OR51Q1: variants seen among roughly 807,000 people sequenced by gnomAD.
OR51Q1 encodes olfactory receptor family 51 subfamily Q member 1, also known as olfactory receptor 51Q1.
For missense variants in OR51Q1, 501 were observed against 397.1 expected (o/e 1.26, Z -2.22); for synonymous variants, 187 against 151.7 (o/e 1.23, Z -1.71).
rs1194706474 is a variant in OR51Q1 at position 5,422,668 on chromosome 11, G to A, written c.468G>A (p.Leu156=). 5.0e-6 allele frequency: 8 copies of A among 1,614,004 alleles called. No individual in the cohort carries two copies. The highest frequency in any genetic ancestry group is 6.8e-6 in the Non-Finnish European group (8 of 1,179,980). Reference sequence around the variant, plus strand: ...TAGCCATCATTTGCTGCTGTGTTCTGGCGGTTCTTCCCTCCCTTTTCTTAC... The same window carrying A: ...TAGCCATCATTTGCTGCTGTGTTCTAGCGGTTCTTCCCTCCCTTTTCTTAC... ...TGLAIICCCV[L]AVLPSLFLLK... is the part of the protein sequence containing the mutation. Residue 156 remains leucine (L), a synonymous_variant, in exon 1 of 1, where the codon CTG becomes CTA. Coordinates refer to ENST00000300778, the MANE Select transcript of OR51Q1 (RefSeq NM_001004757.2).
Position 5,422,371 on chromosome 11 carries a change from C to T in OR51Q1, c.171C>T (p.Val57=). The change falls in exon 1 of 1, where the codon GTC becomes GTT. Residue 57 remains valine (V), a synonymous_variant. Transcript: ENST00000300778. ...CTGTCATTCGCACAGAGCCATCTGTCCACCAGCGCATGTATCTGTTTCTCT... is the reference window on the plus strand; with the variant it reads ...CTGTCATTCGCACAGAGCCATCTGTTCACCAGCGCATGTATCTGTTTCTCT... ...ILTVIRTEPS[V]HQRMYLFLSM... is the part of the protein sequence containing the mutation. 6.2e-7 allele frequency: 1 copy of T among 1,614,186 alleles called. No individual in the cohort carries two copies. Among genetic ancestry groups the T allele is most frequent in the Non-Finnish European group, 8.5e-7 (1 of 1,180,040 alleles).
In OR51Q1 at chr11:5,422,130, G is replaced by A; in HGVS notation, c.-71G>A. 8.3e-7 allele frequency: 1 copy of A among 1,205,212 alleles called. No homozygotes were observed. The highest frequency in any genetic ancestry group is 1.2e-6 in the Non-Finnish European group (1 of 848,060). 74.7% of individuals were successfully genotyped at this position (1,205,212 alleles called of 1,614,324 possible). On this transcript the variant is annotated 5_prime_UTR_variant, in exon 1 of 1. Coordinates refer to ENST00000300778, the MANE Select transcript of OR51Q1 (RefSeq NM_001004757.2). ...TAGAATTTGGATTAAATGGGGCAAA[G>A]AGATATTATTTCTAATGTTTCTTTT...
chr11:5,423,023 C>G lies in OR51Q1; in HGVS notation c.823C>G (p.His275Asp). The change falls in exon 1 of 1, where the codon CAT becomes GAT. Residue 275 changes from histidine (H) to aspartate (D), a missense_variant. His to Asp is a moderately conservative substitution (Grantham distance 81). Coordinates refer to ENST00000300778, the MANE Select transcript of OR51Q1 (RefSeq NM_001004757.2). The part of the protein sequence containing the change: ...RFAKHASPLV[H>D]VIMANIYLLA... ...TGCCAAGCATGCCTCTCCACTGGTC[C>G]ATGTTATCATGGCCAATATCTACCT... The G allele has an allele frequency of 1.2e-6, 2 of 1,614,084 alleles. No individual in the cohort carries two copies. Among genetic ancestry groups the G allele is most frequent in the Non-Finnish European group, 1.7e-6 (2 of 1,180,020 alleles).
At position 5,422,267 on chromosome 11, in the gene OR51Q1, G is replaced by A. The variant is rs749693977; in HGVS notation, c.67G>A (p.Glu23Lys). The change falls in exon 1 of 1, where the codon GAG becomes AAG. Residue 23 changes from glutamate to lysine, a missense_variant. By Grantham distance (56) the Glu-to-Lys change is moderately conservative. Transcript: ENST00000300778. ...CATCCTCACGGACATCCCTGGATTT[G>A]AGGCCTCCCACATCTGGATCTCCAT... ...YFILTDIPGFEASHIWISIPV... is the reference protein window; with the variant it reads ...YFILTDIPGFKASHIWISIPV... 2 of 1,614,102 alleles carry A rather than the reference G, an allele frequency of 1.2e-6. No homozygotes were observed. The highest frequency in any genetic ancestry group is 3.3e-5 in the Admixed American group (2 of 60,026).
Position 5,422,786 on chromosome 11 carries a change from C to T in OR51Q1, c.586C>T (p.Leu196Phe). The T allele has an allele frequency of 1.9e-6, 3 of 1,614,144 alleles. No homozygotes were observed. Among genetic ancestry groups the T allele is most frequent in the Non-Finnish European group, 2.5e-6 (3 of 1,180,020 alleles). Reference sequence around the variant, plus strand: ...CCGCCTGGTCTGTGCTGACATCAGGCTCAACAGCTGGTATGGATTTGCTCT... The same window carrying T: ...CCGCCTGGTCTGTGCTGACATCAGGTTCAACAGCTGGTATGGATTTGCTCT... ...MIRLVCADIRLNSWYGFALAL... is the reference protein window; with the variant it reads ...MIRLVCADIRFNSWYGFALAL... Residue 196 changes from leucine to phenylalanine, a missense_variant, in exon 1 of 1, where the codon CTC becomes TTC. By Grantham distance (22) the Leu-to-Phe change is conservative (BLOSUM62 0). Coordinates refer to ENST00000300778, the MANE Select transcript of OR51Q1 (RefSeq NM_001004757.2).
In OR51Q1 at chr11:5,422,415, A is replaced by C; in HGVS notation, c.215A>C (p.Asp72Ala). 1 of 1,614,090 alleles carries C rather than the reference A, an allele frequency of 6.2e-7. No individual in the cohort carries two copies. ...YLFLSMLALT[D>A]LGLTLTTLPT... ...TTTCTCTCCATGCTGGCCCTGACGG[A>C]CCTGGGTCTCACCCTCACCACCCTA... The change falls in exon 1 of 1, where the codon GAC (aspartate) becomes GCC (alanine). Residue 72 changes from aspartate to alanine, a missense_variant. Asp to Ala is a moderately radical substitution (Grantham distance 126). Transcript: ENST00000300778.
Position 5,422,680 on chromosome 11 carries a change from C to T in OR51Q1, c.480C>T (p.Pro160=). 1.9e-6 allele frequency: 3 copies of T among 1,614,090 alleles called. No individual in the cohort carries two copies. Among genetic ancestry groups the T allele is most frequent in the Non-Finnish European group, 2.5e-6 (3 of 1,180,000 alleles). ...GCTGCTGTGTTCTGGCGGTTCTTCC[C>T]TCCCTTTTCTTACTCAAGCGACTGC... ...IICCCVLAVL[P]SLFLLKRLPF... The change falls in exon 1 of 1, where the codon CCC becomes CCT. Residue 160 remains proline (P), a synonymous_variant. Coordinates refer to ENST00000300778, the MANE Select transcript of OR51Q1 (RefSeq NM_001004757.2).
chr11:5,422,943 T>C lies in OR51Q1; in HGVS notation c.743T>C (p.Leu248Pro). ...CTCAATAACTGCCTGTCCCACATTC[T>C]AGCTGTCCTGGTCCTCTACATTCCC... Reference protein sequence around the residue: ...RALNNCLSHILAVLVLYIPMV... With the variant: ...RALNNCLSHIPAVLVLYIPMV... Residue 248 changes from leucine to proline, a missense_variant, in exon 1 of 1, where the codon CTA becomes CCA. Physicochemically the swap from Leu to Pro is moderately conservative, Grantham distance 98. Transcript: ENST00000300778. The C allele has an allele frequency of 6.2e-7, 1 of 1,614,158 alleles. No homozygotes were observed. Among genetic ancestry groups the C allele is most frequent in the Non-Finnish European group, 8.5e-7 (1 of 1,179,988 alleles).
rs899608609 is a variant in OR51Q1 at position 5,422,827 on chromosome 11, T to C, written c.627T>C (p.Ile209=). ...WYGFALALLI[I]IVDPLLIVIS... is the part of the protein sequence containing the mutation. ...GATTTGCTCTTGCCTTGCTCATTATTATCGTGGATCCTCTGCTCATTGTGA... is the reference window on the plus strand; with the variant it reads ...GATTTGCTCTTGCCTTGCTCATTATCATCGTGGATCCTCTGCTCATTGTGA... Residue 209 remains isoleucine (I), a synonymous_variant, in exon 1 of 1, where the codon ATT becomes ATC. Transcript: ENST00000300778. 8.7e-6 allele frequency: 14 copies of C among 1,614,054 alleles called. No individual in the cohort carries two copies. Among genetic ancestry groups the C allele is most frequent in the Admixed American group, 3.3e-5 (2 of 59,998 alleles).
chr11:5,422,257 C>T lies in OR51Q1; in HGVS notation c.57C>T (p.Ile19=). 6.8e-6 allele frequency: 11 copies of T among 1,614,072 alleles called. No individual in the cohort carries two copies. Among genetic ancestry groups the T allele is most frequent in the Non-Finnish European group, 9.3e-6 (11 of 1,179,956 alleles). The change falls in exon 1 of 1, where the codon ATC becomes ATT. Residue 19 remains isoleucine, a synonymous_variant. Transcript: ENST00000300778. ...QEGIYFILTD[I]PGFEASHIWI... is the part of the protein sequence containing the mutation. ...GCATCTACTTCATCCTCACGGACAT[C>T]CCTGGATTTGAGGCCTCCCACATCT...
In OR51Q1 at chr11:5,422,722, C is replaced by T. The variant is rs1455650962; in HGVS notation, c.522C>T (p.His174=). The change falls in exon 1 of 1, where the codon CAC becomes CAT. Residue 174 remains histidine (H), a synonymous_variant. Transcript: ENST00000300778. ...AGCGACTGCCTTTCTGCCACTCCCA[C>T]CTTCTCTCTCGCTCCTATTGCCTCC... ...LLKRLPFCHS[H]LLSRSYCLHQ... 6.2e-7 allele frequency: 1 copy of T among 1,614,074 alleles called. No individual in the cohort carries two copies. Among genetic ancestry groups the T allele is most frequent in the Non-Finnish European group, 8.5e-7 (1 of 1,179,972 alleles).
chr11:5,422,733 G>A lies in OR51Q1; in HGVS notation c.533G>A (p.Arg178His), dbSNP rs10838095. The stretch of plus-strand genomic sequence containing the variant: ...TTCTGCCACTCCCACCTTCTCTCTC[G>A]CTCCTATTGCCTCCACCAGGATATG... ...LPFCHSHLLS[R>H]SYCLHQDMIR... The change falls in exon 1 of 1, where the codon CGC becomes CAC. Residue 178 changes from arginine (R) to histidine (H), a missense_variant. Arg to His is a conservative substitution (Grantham distance 29). Coordinates refer to ENST00000300778, the MANE Select transcript of OR51Q1 (RefSeq NM_001004757.2). The A allele has an allele frequency of 0.4, 647,606 of 1,612,496 alleles. 133,610 individuals are homozygous for A. The highest frequency in any genetic ancestry group is 0.68 in the East Asian group (30,600 of 44,850).
In OR51Q1 at chr11:5,422,954, G is replaced by A. The variant is rs1052035730; in HGVS notation, c.754G>A (p.Val252Ile). ...NCLSHILAVL[V>I]LYIPMVGVSM... ...CCTGTCCCACATTCTAGCTGTCCTG[G>A]TCCTCTACATTCCCATGGTTGGTGT... The change falls in exon 1 of 1, where the codon GTC (valine) becomes ATC (isoleucine). Residue 252 changes from valine (V) to isoleucine (I), a missense_variant. Transcript: ENST00000300778. 1.9e-6 allele frequency: 3 copies of A among 1,613,912 alleles called. No individual in the cohort carries two copies. Among genetic ancestry groups the A allele is most frequent in the Non-Finnish European group, 2.5e-6 (3 of 1,180,002 alleles).
rs770489511 is a variant in OR51Q1, at chr11:5,422,428, C to T, written c.228C>T (p.Thr76=). The T allele has an allele frequency of 3.1e-6, 5 of 1,614,140 alleles. No homozygotes were observed. Among genetic ancestry groups the T allele is most frequent in the Non-Finnish European group, 4.2e-6 (5 of 1,180,016 alleles). ...TGGCCCTGACGGACCTGGGTCTCAC[C>T]CTCACCACCCTACCCACAGTCATGC... is the stretch of plus-strand genomic sequence containing the variant. The part of the protein sequence containing the change: ...SMLALTDLGL[T]LTTLPTVMQL... Residue 76 remains threonine (T), a synonymous_variant, in exon 1 of 1, where the codon ACC becomes ACT. Transcript: ENST00000300778.
In OR51Q1 at chr11:5,422,426, A is replaced by G; in HGVS notation, c.226A>G (p.Thr76Ala). 1 of 1,614,044 alleles carries G rather than the reference A, an allele frequency of 6.2e-7. No individual in the cohort carries two copies. The change falls in exon 1 of 1, where the codon ACC becomes GCC. Residue 76 changes from threonine (T) to alanine (A), a missense_variant. Transcript: ENST00000300778. Reference sequence around the variant, plus strand: ...GCTGGCCCTGACGGACCTGGGTCTCACCCTCACCACCCTACCCACAGTCAT... The same window carrying G: ...GCTGGCCCTGACGGACCTGGGTCTCGCCCTCACCACCCTACCCACAGTCAT... ...SMLALTDLGLTLTTLPTVMQL... is the reference protein window; with the variant it reads ...SMLALTDLGLALTTLPTVMQL...
rs1850352185 is a variant in OR51Q1, at chr11:5,422,283, G to A, written c.83G>A (p.Trp28Ter). The change falls in exon 1 of 1, where the codon TGG (tryptophan) becomes TAG (stop). Residue 28 changes from tryptophan to a stop codon, truncating the protein, a stop_gained. Coordinates refer to ENST00000300778, the MANE Select transcript of OR51Q1 (RefSeq NM_001004757.2). LOFTEE classifies it low-confidence loss of function (END_TRUNC). ...CCTGGATTTGAGGCCTCCCACATCT[G>A]GATCTCCATCCCCGTCTGCTGTCTC... ...DIPGFEASHIWISIPVCCLYT... is the reference protein window; with the variant it reads ...DIPGFEASHI 1 of 1,614,038 alleles carries A rather than the reference G, an allele frequency of 6.2e-7. No homozygotes were observed. Among genetic ancestry groups the A allele is most frequent in the East Asian group, 2.2e-5 (1 of 44,868 alleles).
At position 5,423,094 on chromosome 11, in the gene OR51Q1, C is replaced by T; in HGVS notation, c.894C>T (p.Asn298=). 6.2e-7 allele frequency: 1 copy of T among 1,612,440 alleles called. No individual in the cohort carries two copies. The highest frequency in any genetic ancestry group is 8.5e-7 in the Non-Finnish European group (1 of 1,178,992). Reference sequence around the variant, plus strand: ...ACCCCATCATTTACAGTGTAAAGAACAAGCAGATCCAATGGGGAATGTTAA... The same window carrying T: ...ACCCCATCATTTACAGTGTAAAGAATAAGCAGATCCAATGGGGAATGTTAA... The part of the protein sequence containing the change: ...VMNPIIYSVK[N]KQIQWGMLNF... The change falls in exon 1 of 1, where the codon AAC becomes AAT. Residue 298 remains asparagine, a synonymous_variant. Coordinates refer to ENST00000300778, the MANE Select transcript of OR51Q1 (RefSeq NM_001004757.2).
rs1216500583 is a variant in OR51Q1 at position 5,423,091 on chromosome 11, G to T, written c.891G>T (p.Lys297Asn). 1.2e-6 allele frequency: 2 copies of T among 1,612,952 alleles called. No individual in the cohort carries two copies. Among genetic ancestry groups the T allele is most frequent in the East Asian group, 2.2e-5 (1 of 44,866 alleles). ...TGAACCCCATCATTTACAGTGTAAA[G>T]AACAAGCAGATCCAATGGGGAATGT... The part of the protein sequence containing the change: ...PVMNPIIYSV[K>N]NKQIQWGMLN... The change falls in exon 1 of 1, where the codon AAG becomes AAT. Residue 297 changes from lysine (K) to asparagine (N), a missense_variant. Transcript: ENST00000300778.
In OR51Q1 at chr11:5,422,331, A is replaced by G. The variant is rs1302528032; in HGVS notation, c.131A>G (p.Asn44Ser). The G allele has an allele frequency of 3.7e-6, 6 of 1,613,954 alleles. No homozygotes were observed. Among genetic ancestry groups the G allele is most frequent in the Non-Finnish European group, 5.1e-6 (6 of 1,180,010 alleles). Residue 44 changes from asparagine to serine, a missense_variant, in exon 1 of 1, where the codon AAT (asparagine) becomes AGT (serine). Physicochemically the swap from Asn to Ser is conservative, Grantham distance 46. Coordinates refer to ENST00000300778, the MANE Select transcript of OR51Q1 (RefSeq NM_001004757.2). ...CCLYTISIMG[N>S]TTILTVIRTE... Reference sequence around the variant, plus strand: ...CTCTACACCATCTCCATCATGGGCAATACCACCATCCTCACTGTCATTCGC... The same window carrying G: ...CTCTACACCATCTCCATCATGGGCAGTACCACCATCCTCACTGTCATTCGC...
Sources: gnomAD v4.1 joint callset for allele counts on GRCh38, gnomAD v4.1.1 for gene constraint, MANE v1.5 for transcripts, NCBI Gene and HGNC (gene_info 2026-07-23, HGNC 2026-07-21) for gene names.